The following DMD variants were observed in gnomAD, a reference collection of about 807,000 sequenced individuals.
DMD encodes the protein mutant dystrophin.
DMD carries 63 observed loss-of-function variants against 330.1 expected under a neutral mutation model. The observed-to-expected ratio is 0.19, with a 90% CI of 0.16 to 0.24. The LOEUF (loss-of-function observed/expected upper bound fraction) is 0.24, where lower values mean the gene tolerates loss of function less well. Among genes scored for constraint, DMD ranks in the 10% least tolerant of loss-of-function variants. DMD has a pLI of 1.00. For synonymous variants in DMD, 1,223 were observed against 959.8 expected, an observed-to-expected ratio of 1.27 and a Z score of -5.07; for missense variants, 3,344 against 2,684.1, an observed-to-expected ratio of 1.25 and a Z score of -5.43.
intron 44 of DMD, among the ~76,000 whole-genome samples, chrX:32,178,268 A>G (rs1231889315): frequency 9.1e-6 from 1 of 109,856 alleles, no homozygotes; most frequent in Non-Finnish European, 1.9e-5. Flanking sequence ...TGTGAAATAT[A>G]TTAATGAGGT....
rs754721190 is a variant in DMD, at chrX:31,914,927, G to T, written c.6912+14669C>A. On this transcript the variant is annotated intron_variant, in intron 47 of 78. Coordinates refer to ENST00000357033, the MANE Select transcript of DMD (RefSeq NM_004006.3). ...AACACAAAAGATTAATGCTGGAGGG[G>T]GTGGATCCCCCGTTCTCCATGATGT... 4.5e-5 allele frequency among the ~76,000 whole-genome samples: 5 copies of T among 112,236 alleles called. No homozygotes were observed. In the South Asian group the frequency reaches 1.9e-3, roughly 42 times the overall value.
At chrX:32,625,539 G>C (rs757014460) in intron 11 of DMD, among the ~76,000 whole-genome samples, 75 of 111,524 alleles carry the variant, frequency 6.7e-4, no homozygotes, top group Admixed American at 3.6e-3. Context: ...GACATCCTAA[G>C]TTTAGCAATC....
chrX:32,695,527 A>T (rs772303239), intron 9 of DMD, among the ~76,000 whole-genome samples: 58 of 111,706 alleles, frequency 5.2e-4, no homozygotes, highest in South Asian at 1.9e-3. Context: ...AAAAAATTGT[A>T]TTATTAGGGC....
chrX:31,281,730 A>T (rs1315846969), intron 62 of DMD, among the ~76,000 whole-genome samples: 1 of 111,643 alleles, frequency 9.0e-6, no homozygotes, highest in Non-Finnish European at 1.9e-5. Context: ...ATCCCATGGC[A>T]GCACTTCTAA....
chrX:32,084,234 G>A (rs989057372), intron 44 of DMD, among the ~76,000 whole-genome samples: 1 of 111,417 alleles, frequency 9.0e-6, no homozygotes, highest in Admixed American at 9.6e-5. Context: ...GAGTGAGTGA[G>A]TGTGTGTTTG....
chrX:31,275,117 G>A (rs1425960174), intron 62 of DMD, among the ~76,000 whole-genome samples: 2 of 108,682 alleles, frequency 1.8e-5, no homozygotes, highest in Non-Finnish European at 3.8e-5. Flanking sequence ...TAAAAACTAA[G>A]TAGGCTTTAA....
intron 47 of DMD, among the ~76,000 whole-genome samples, chrX:31,915,323 G>C (rs1302749599): frequency 8.9e-6 from 1 of 112,042 alleles, no homozygotes; most frequent in Non-Finnish European, 1.9e-5. Flanking sequence ...GAATAGTATA[G>C]CTGCCTTGCT....
Position 32,078,333 on chromosome X carries a change from A to G in DMD, c.6439-109819T>C, listed in dbSNP as rs1248567551. On this transcript the variant is annotated intron_variant, in intron 44 of 78. Coordinates refer to ENST00000357033, the MANE Select transcript of DMD (RefSeq NM_004006.3). ...TCAGTCGCTTCAATCTCTCCAGTACAATCGTCCTTGTCCAAGCCACTATCA... is the reference window on the plus strand; with the variant it reads ...TCAGTCGCTTCAATCTCTCCAGTACGATCGTCCTTGTCCAAGCCACTATCA... Among the ~76,000 whole-genome samples the G allele has an allele frequency of 2.9e-4, 32 of 111,723 alleles. No individual in the cohort carries two copies. In the Admixed American group the frequency reaches 3.0e-3, roughly 11 times the overall value.
intron 44 of DMD, among the ~76,000 whole-genome samples, chrX:32,181,088 A>T (rs2096925611): frequency 8.9e-6 from 1 of 111,985 alleles, no homozygotes; most frequent in South Asian, 3.7e-4. Context: ...ATCTTCCACG[A>T]GTGAAAGCAG....
At chrX:32,426,263 C>G (rs774597932) in intron 29 of DMD, among the ~76,000 whole-genome samples, 1 of 111,571 alleles carries the variant, frequency 9.0e-6, no homozygotes, top group South Asian at 3.7e-4. Context: ...TCCAGAATCT[C>G]TAAGTAACTT....
chrX:32,149,436 A>G (rs2096794266), intron 44 of DMD, among the ~76,000 whole-genome samples: 1 of 112,148 alleles, frequency 8.9e-6, no homozygotes, highest in Non-Finnish European at 1.9e-5. Context: ...AGTCTACTCT[A>G]TGAGATAAGT....
intron 60 of DMD, among the ~76,000 whole-genome samples, chrX:31,438,878 A>G (rs944221021): frequency 8.9e-6 from 1 of 112,125 alleles, no homozygotes; most frequent in Non-Finnish European, 1.9e-5. Context: ...ATAGATACAG[A>G]TAAAAGACCT....
At chrX:31,971,531 T>G (rs975782912) in intron 44 of DMD, among the ~76,000 whole-genome samples, 2 of 111,324 alleles carry the variant, frequency 1.8e-5, no homozygotes, top group Non-Finnish European at 3.8e-5. Flanking sequence ...CACAGTCTAC[T>G]GCATTTGTAT....
At chrX:32,773,611 T>A (rs1391138258) in intron 7 of DMD, among the ~76,000 whole-genome samples, 1 of 108,802 alleles carries the variant, frequency 9.2e-6, no homozygotes, top group African/African-American at 3.3e-5. Flanking sequence ...TCCCACTCTC[T>A]ATCTCCATGA....
At chrX:33,312,678 T>C (rs1292807219) in intron 1 of DMD, among the ~76,000 whole-genome samples, 1 of 111,825 alleles carries the variant, frequency 8.9e-6, no homozygotes, top group African/African-American at 3.3e-5. Flanking sequence ...ATGATAGATT[T>C]CTGGGAGCCT....
At chrX:32,177,320 G>C (rs1216294548) in intron 44 of DMD, among the ~76,000 whole-genome samples, 1 of 111,896 alleles carries the variant, frequency 8.9e-6, no homozygotes, top group Non-Finnish European at 1.9e-5. Context: ...TCTGGGCAGA[G>C]AAAAAACTCC....
At chrX:32,352,610 A>G (rs1466204687) in intron 37 of DMD, among the ~76,000 whole-genome samples, 1 of 111,100 alleles carries the variant, frequency 9.0e-6, no homozygotes, top group Non-Finnish European at 1.9e-5. Context: ...TCTATTAACC[A>G]TTATACTCAT....
intron 7 of DMD, among the ~76,000 whole-genome samples, chrX:32,709,626 T>A: frequency 9.0e-6 from 1 of 111,261 alleles, no homozygotes; most frequent in South Asian, 3.8e-4. Context: ...CCTCTTGATC[T>A]TCATATTTGG....
chrX:33,211,759 GACATAGT>G (rs1482308540), upstream of DMD, among the ~76,000 whole-genome samples: 1 of 112,345 alleles, frequency 8.9e-6, no homozygotes, highest in African/African-American at 3.2e-5. Flanking sequence ...TAGCACAGTG[GACATAGT>G]ACTTGCTTTT....
Sources: allele counts gnomAD v4.1 joint callset (sites outside exome capture counted in the v4.1 genomes callset), GRCh38; gene constraint gnomAD v4.1.1; transcripts MANE v1.5; gene names NCBI Gene and HGNC (gene_info 2026-07-23, HGNC 2026-07-21).